FAM149A: variants seen among roughly 807,000 people sequenced by gnomAD.
The protein encoded by FAM149A is family with sequence similarity 149 member A.
A neutral mutation model predicts 78.2 loss-of-function variants in FAM149A; 71 were observed. That is an observed-to-expected ratio of 0.91 (90% confidence interval 0.75 to 1.11). FAM149A has a LOEUF of 1.11. Ranked by LOEUF, FAM149A falls within the 50% of genes least tolerant of loss-of-function variation. The pLI is 0.00. For missense variants in FAM149A, 1,036 were observed against 971.0 expected, an observed-to-expected ratio of 1.07 and a Z score of -0.89; for synonymous variants, 446 against 410.5, an observed-to-expected ratio of 1.09 and a Z score of -1.04.
chr4:186,118,331 C>T, intron 1 of FAM149A: 3 of 678,218 alleles, frequency 4.4e-6, no homozygotes, highest in Non-Finnish European at 5.5e-6. Context: ...CTTGCAGTTA[C>T]CAGGTAGCTA....
chr4:186,170,304 C>T (rs1429561123), intron 13 of FAM149A, among the ~76,000 whole-genome samples: 3 of 152,226 alleles, frequency 2.0e-5, no homozygotes, highest in Non-Finnish European at 4.4e-5. Context: ...CCCTGTGGGT[C>T]TCAGCTTCCA....
At chr4:186,169,754 G>A (rs1469916964) in intron 13 of FAM149A, 3 of 985,318 alleles carry the variant, frequency 3.0e-6, no homozygotes, top group Non-Finnish European at 2.4e-6. Flanking sequence ...GGCGTCCAGA[G>A]GAGTTACATT....
intron 1 of FAM149A, among the ~76,000 whole-genome samples, chr4:186,136,854 C>T (rs928967213): frequency 6.6e-6 from 1 of 152,060 alleles, no homozygotes; most frequent in Non-Finnish European, 1.5e-5. Context: ...CCTGTCTGTG[C>T]CCGAGTTTTC....
chr4:186,166,325 A>C (rs1207289371), intron 11 of FAM149A, among the ~76,000 whole-genome samples: 1 of 152,190 alleles, frequency 6.6e-6, no homozygotes, highest in East Asian at 1.9e-4. Flanking sequence ...AGAGTTGCAA[A>C]GTGTTCATGT....
Position 186,117,615 on chromosome 4 carries a change from C to T in FAM149A, c.566+11973C>T, listed in dbSNP as rs918234612. On this transcript the variant is annotated intron_variant, in intron 1 of 13. Coordinates refer to ENST00000389354, the MANE Select transcript of FAM149A (RefSeq NM_001367768.3). ...GCCGTGGAGGCCCAGAGCCACATGG[C>T]GTGAGGCTTTCCATTTGTTAGGAGC... The T allele has an allele frequency of 2.8e-5, 28 of 985,252 alleles. No individual in the cohort carries two copies. In the Admixed American group the frequency reaches 1.5e-3, roughly 54 times the overall value. The allele number at this position is 985,252 out of a possible 1,614,324, so 61.0% of individuals were successfully genotyped here.
At chr4:186,117,267 T>C (rs1165725716) in intron 1 of FAM149A, among the ~76,000 whole-genome samples, 4 of 152,258 alleles carry the variant, frequency 2.6e-5, no homozygotes, top group Non-Finnish European at 5.9e-5. Flanking sequence ...TGTAGGCTAA[T>C]GTATTCTTTA....
At chr4:186,165,552 A>T (rs548492633) in intron 11 of FAM149A, 88 bp downstream of exon 11, 1 of 1,360,436 alleles carries the variant, frequency 7.4e-7, no homozygotes, top group South Asian at 1.3e-5. Context: ...TCCAAGTGAA[A>T]TTAGTAACAT....
In FAM149A at chr4:186,141,015, G is replaced by GT. The variant is rs370574412; in HGVS notation, c.567-8158_567-8157insT. Among the ~76,000 whole-genome samples the GT allele has an allele frequency of 5.9e-3, 894 of 152,256 alleles. 9 individuals are homozygous for GT. The highest frequency in any genetic ancestry group is 0.021 in the African/African-American group (868 of 41,548). On this transcript the variant is annotated intron_variant, in intron 1 of 13. Coordinates refer to ENST00000389354, the MANE Select transcript of FAM149A (RefSeq NM_001367768.3). ...GTTCTGATCCAACTTGCCAGCATCTGGTATTTTTAAGAATAGCCATTCTGA... is the reference window on the plus strand; with the variant it reads ...GTTCTGATCCAACTTGCCAGCATCTGTGTATTTTTAAGAATAGCCATTCTGA...
intron 1 of FAM149A, among the ~76,000 whole-genome samples, chr4:186,129,372 T>G (rs2099319651): frequency 6.6e-6 from 1 of 152,170 alleles, no homozygotes. Context: ...AAGGAATTCA[T>G]GAACTGTAAT....
intron 8 of FAM149A, 96 bp from the exon 9 acceptor site, chr4:186,162,749 G>C: frequency 1.5e-6 from 1 of 658,738 alleles, no homozygotes; most frequent in Non-Finnish European, 2.7e-6. Flanking sequence ...AGTGTGCCGG[G>C]TGTTTCCTGC....
intron 3 of FAM149A, chr4:186,151,037 C>T: frequency 1.0e-6 from 1 of 985,400 alleles, no homozygotes; most frequent in Non-Finnish European, 1.2e-6. Context: ...TTCCCCACTC[C>T]CACTGCACAT....
rs533658903 is a variant in FAM149A at position 186,118,313 on chromosome 4, G to A, written c.566+12671G>A. 2.1e-5 allele frequency: 18 copies of A among 870,378 alleles called. No individual in the cohort carries two copies. In the African/African-American group the frequency reaches 3.3e-4, roughly 16 times the overall value. 53.9% of individuals were successfully genotyped at this position (870,378 alleles called of 1,614,324 possible). A position where few individuals can be genotyped will look rare whatever the true frequency, so the allele number is the denominator to read the frequency against. ...GTGCTTCTCAATGTGTGTGCCATTA[G>A]CTACCTGCTTGCAGTTACCAGGTAG... On this transcript the variant is annotated intron_variant, in intron 1 of 13. Transcript: ENST00000389354.
intron 1 of FAM149A, chr4:186,125,470 C>A: frequency 2.1e-6 from 1 of 470,154 alleles, no homozygotes; most frequent in Non-Finnish European, 2.8e-6. Context: ...CGCTGGGAAG[C>A]CTGAGGAAGA....
chr4:186,170,035 A>G (rs1735395289), intron 13 of FAM149A: 2 of 712,312 alleles, frequency 2.8e-6, no homozygotes, highest in East Asian at 1.3e-4. Context: ...TGGGAAGGGT[A>G]TGTCCAGGCC....
In FAM149A at chr4:186,124,949, C is replaced by T. The variant is rs897213024; in HGVS notation, c.566+19307C>T. Among the ~76,000 whole-genome samples, 37 of 152,262 alleles carry T rather than the reference C, an allele frequency of 2.4e-4. 1 individual carries two copies. The highest frequency in any genetic ancestry group is 7.0e-4 in the African/African-American group (29 of 41,550). ...TGTTGTTTCCTGACTTTTTAATGAT[C>T]GCCATTCTAACTGGTGTGAGACGGT... On this transcript the variant is annotated intron_variant, in intron 1 of 13. Transcript: ENST00000389354.
chr4:186,128,759 C>T (rs868282321), intron 1 of FAM149A, among the ~76,000 whole-genome samples: 5 of 152,106 alleles, frequency 3.3e-5, no homozygotes, highest in African/African-American at 1.2e-4. Context: ...AATATTCACA[C>T]TTTGAGCTTA....
At chr4:186,136,964 T>TCTCTCTCTCTC (rs2099323207) in intron 1 of FAM149A, among the ~76,000 whole-genome samples, 6 of 97,096 alleles carry the variant, frequency 6.2e-5, no homozygotes, top group African/African-American at 1.8e-4. Context: ...CTCTCTCTCT[T>TCTCTCTCTCTC]TCTCTCTCTC....
At chr4:186,155,713 CAAACT>C (rs2126487735) in intron 6 of FAM149A, among the ~76,000 whole-genome samples, 1 of 151,530 alleles carries the variant, frequency 6.6e-6, no homozygotes, top group East Asian at 1.9e-4. Context: ...AGAAAAAGAA[CAAACT>C]AAGCCCAAAC....
intron 1 of FAM149A, among the ~76,000 whole-genome samples, chr4:186,134,911 T>C (rs1172188754): frequency 6.6e-6 from 1 of 152,226 alleles, no homozygotes; most frequent in Non-Finnish European, 1.5e-5. Flanking sequence ...CAATTCAATA[T>C]GACGCAGTTC....
Sources: gnomAD v4.1 joint callset for allele counts (sites outside exome capture counted in the v4.1 genomes callset) on GRCh38, gnomAD v4.1.1 for gene constraint, MANE v1.5 for transcripts, NCBI Gene and HGNC (gene_info 2026-07-23, HGNC 2026-07-21) for gene names.